The following FAM124A variants were observed in gnomAD, a reference collection of about 807,000 sequenced individuals.
FAM124A encodes family with sequence similarity 124 member A.
In FAM124A, 23 loss-of-function variants were observed where a neutral mutation model predicts 24.5. The ratio of observed to expected loss-of-function variants is 0.94; its 90% confidence interval spans 0.68 to 1.33. FAM124A has a LOEUF of 1.33. Ranked by LOEUF, FAM124A falls within the 40% of genes most tolerant of loss-of-function variation. The pLI is 0.00. For synonymous variants in FAM124A, 287 were observed against 314.7 expected (o/e 0.91, Z 0.93); for missense variants, 623 against 722.8 (o/e 0.86, Z 1.58).
At chr13:51,227,023 A>C (rs770101969) in intron 1 of FAM124A, among the ~76,000 whole-genome samples, 1 of 152,196 alleles carries the variant, frequency 6.6e-6, no homozygotes, top group Admixed American at 6.5e-5. Flanking sequence ...CCCTTAGTAC[A>C]TGATTATTTC....
At chr13:51,257,979 C>A (rs944070493) in intron 3 of FAM124A, among the ~76,000 whole-genome samples, 1 of 152,188 alleles carries the variant, frequency 6.6e-6, no homozygotes, top group Non-Finnish European at 1.5e-5. Flanking sequence ...GGCTAGAAGT[C>A]CAAAATCAAG....
intron 2 of FAM124A, among the ~76,000 whole-genome samples, chr13:51,244,750 T>C (rs753657391): frequency 1.3e-5 from 2 of 152,096 alleles, no homozygotes; most frequent in African/African-American, 2.4e-5. Flanking sequence ...GCAAGCAGCA[T>C]TGAGGTAGGT....
rs368691433 is a variant in FAM124A, at chr13:51,245,286, C to T, written c.101-6182C>T. On this transcript the variant is annotated intron_variant, in intron 2 of 3. Transcript: ENST00000322475. ...CACAGCATGTGAAAATCTGGCCGCC[C>T]CCCACTTTAATCTTTTATTATGCAG... 6 of 630,732 alleles carry T rather than the reference C, an allele frequency of 9.5e-6. No homozygotes were observed. The African/African-American group carries it at 1.1e-4, about 12-fold the overall frequency. 39.1% of individuals were successfully genotyped at this position (630,732 alleles called of 1,614,324 possible). A position where few individuals can be genotyped will look rare whatever the true frequency, so the allele number is the denominator to read the frequency against.
intron 3 of FAM124A, among the ~76,000 whole-genome samples, chr13:51,264,843 A>T (rs1469964914): frequency 6.6e-6 from 1 of 152,186 alleles, no homozygotes; most frequent in African/African-American, 2.4e-5. Context: ...TGCACCTGTC[A>T]TGGTTCAGAC....
At chr13:51,273,720 C>G (rs114181983) in intron 3 of FAM124A, among the ~76,000 whole-genome samples, 366 of 152,352 alleles carry the variant, frequency 2.4e-3, no homozygotes, top group African/African-American at 8.4e-3. Context: ...ACAAAATACT[C>G]TATCTCTTGT....
Position 51,251,181 on chromosome 13 carries a change from G to T in FAM124A, c.101-287G>T, listed in dbSNP as rs950346574. Among the ~76,000 whole-genome samples, 2 of 152,196 alleles carry T rather than the reference G, an allele frequency of 1.3e-5. No homozygotes were observed. Among genetic ancestry groups the T allele is most frequent in the Admixed American group, 1.3e-4 (2 of 15,288 alleles). On this transcript the variant is annotated intron_variant, in intron 2 of 3. Transcript: ENST00000322475. The surrounding 1 kb of genome is among the most constrained non-coding windows in gnomAD (Gnocchi z 5.3). ...CTGATACGTAAATATAAAGTCAAAT[G>T]TTCCCTATACCAACCAACCTGATGA... is the stretch of plus-strand genomic sequence containing the variant.
chr13:51,245,457 C>A, intron 2 of FAM124A: 1 of 555,742 alleles, frequency 1.8e-6, no homozygotes. Context: ...CGGCATTCAT[C>A]TGTGCAAGCT....
rs746552464 is a variant in FAM124A at position 51,280,996 on chromosome 13, A to G, written c.1381A>G (p.Arg461Gly). Residue 461 changes from arginine (R) to glycine (G), a missense_variant, in exon 4 of 4, where the codon AGG becomes GGG. Arg to Gly is a moderately radical substitution (Grantham distance 125). Coordinates refer to ENST00000322475, the MANE Select transcript of FAM124A (RefSeq NM_001242312.2). ...SSHWAAHKDS[R>G]EGPLPTVSRV... ...CCACTGGGCAGCTCACAAGGATTCC[A>G]GGGAGGGACCACTGCCCACTGTCAG... 20 of 1,613,942 alleles carry G rather than the reference A, an allele frequency of 1.2e-5. No homozygotes were observed. The highest frequency in any genetic ancestry group is 1.7e-5 in the Admixed American group (1 of 59,984).
At chr13:51,254,499 C>G (rs1308908684) in intron 3 of FAM124A, among the ~76,000 whole-genome samples, 6 of 152,188 alleles carry the variant, frequency 3.9e-5, no homozygotes, top group Non-Finnish European at 8.8e-5. Context: ...TAAAATGTAT[C>G]TTCCCTTCAT....
intron 2 of FAM124A, among the ~76,000 whole-genome samples, chr13:51,237,551 C>T (rs1458461357): frequency 3.3e-5 from 5 of 152,046 alleles, no homozygotes; most frequent in African/African-American, 1.2e-4. Flanking sequence ...AGCCCTGGAT[C>T]GGGTTCTCCA....
chr13:51,262,973 G>T (rs1372945942), intron 3 of FAM124A, among the ~76,000 whole-genome samples: 1 of 152,244 alleles, frequency 6.6e-6, no homozygotes, highest in African/African-American at 2.4e-5. Context: ...AGGCCACAGG[G>T]TCAGGTAGAG....
At chr13:51,246,404 T>TGGGGGGGG (rs55696364) in intron 2 of FAM124A, among the ~76,000 whole-genome samples, 99 of 57,266 alleles carry the variant, frequency 1.7e-3, no homozygotes, top group Non-Finnish European at 3.0e-3. Context: ...TCTCGTGGGG[T>TGGGGGGGG]GGGGGGGGGT....
Position 51,281,828 on chromosome 13 carries a change from G to A in FAM124A, c.*572G>A, listed in dbSNP as rs989757092. 2 of 152,198 alleles carry A rather than the reference G, an allele frequency of 1.3e-5. No homozygotes were observed. The highest frequency in any genetic ancestry group is 4.8e-5 in the African/African-American group (2 of 41,422). The allele number at this position is 152,198 out of a possible 1,614,324, so 9.4% of individuals were successfully genotyped here. On this transcript the variant is annotated 3_prime_UTR_variant, in exon 4 of 4. Coordinates refer to ENST00000322475, the MANE Select transcript of FAM124A (RefSeq NM_001242312.2). ...GAAGTAAACGTATATCAGACTACAG[G>A]TAATTCCTCATCTTGAAGCCATGCA...
At chr13:51,238,165 C>T (rs985117987) in intron 2 of FAM124A, among the ~76,000 whole-genome samples, 2 of 152,214 alleles carry the variant, frequency 1.3e-5, no homozygotes, top group African/African-American at 4.8e-5. Flanking sequence ...GGGCATCCTG[C>T]TTGCTTCACA....
At chr13:51,235,040 G>T (rs1954421494) in intron 2 of FAM124A, among the ~76,000 whole-genome samples, 1 of 152,192 alleles carries the variant, frequency 6.6e-6, no homozygotes, top group African/African-American at 2.4e-5. Flanking sequence ...AGATCCGGGG[G>T]ATGTGACCGG....
intron 2 of FAM124A, among the ~76,000 whole-genome samples, chr13:51,233,109 G>A (rs1954396771): frequency 6.6e-6 from 1 of 152,188 alleles, no homozygotes; most frequent in East Asian, 1.9e-4. Context: ...ACAAATAATG[G>A]TGGAAAATGA....
chr13:51,236,095 G>T (rs891343782), intron 2 of FAM124A, among the ~76,000 whole-genome samples: 3 of 152,080 alleles, frequency 2.0e-5, no homozygotes, highest in African/African-American at 7.2e-5. Context: ...CTTTCCTGGG[G>T]TTGCTGTGTC....
rs1233937575 is a variant in FAM124A at position 51,253,503 on chromosome 13, T to G, written c.834+1302T>G. On this transcript the variant is annotated intron_variant, in intron 3 of 3. Transcript: ENST00000322475. ...ATCCCTTTTGAAATGTGAGAAAAATTGTCTCTGTGTTTGAAGAATGCCACA... is the reference window on the plus strand; with the variant it reads ...ATCCCTTTTGAAATGTGAGAAAAATGGTCTCTGTGTTTGAAGAATGCCACA... 2.6e-5 allele frequency: 4 copies of G among 152,248 alleles called. No homozygotes were observed. In the East Asian group the frequency reaches 7.7e-4, roughly 29 times the overall value. 9.4% of individuals were successfully genotyped at this position (152,248 alleles called of 1,614,324 possible).
chr13:51,247,671 C>T (rs1053204838), intron 2 of FAM124A, among the ~76,000 whole-genome samples: 4 of 152,158 alleles, frequency 2.6e-5, no homozygotes, highest in Non-Finnish European at 5.9e-5. Flanking sequence ...CTTGACCCCT[C>T]GTTCAAAGCC....
Sources: allele counts gnomAD v4.1 joint callset (sites outside exome capture counted in the v4.1 genomes callset), GRCh38; gene constraint gnomAD v4.1.1; non-coding constraint Gnocchi (gnomAD v3.1); transcripts MANE v1.5; gene names NCBI Gene and HGNC (gene_info 2026-07-23, HGNC 2026-07-21).